ZNF324: variants seen among roughly 807,000 people sequenced by gnomAD.
ZNF324 encodes the protein zinc finger protein 324.
In ZNF324, 3 loss-of-function variants were observed where a neutral mutation model predicts 10.3. That is an observed-to-expected ratio of 0.29 (90% CI 0.13 to 0.75). ZNF324 has a LOEUF of 0.75. Ranked by LOEUF, ZNF324 falls within the 30% of genes least tolerant of loss-of-function variation. ZNF324 has a pLI of 0.69. For synonymous variants in ZNF324, 430 were observed against 339.5 expected (o/e 1.27, Z -2.93); for missense variants, 763 against 784.4 (o/e 0.97, Z 0.33).
chr19:58,470,842 A>G lies in ZNF324; in HGVS notation c.350A>G (p.His117Arg). The G allele has an allele frequency of 6.2e-7, 1 of 1,614,190 alleles. No homozygotes were observed. Among genetic ancestry groups the G allele is most frequent in the Non-Finnish European group, 8.5e-7 (1 of 1,180,032 alleles). Residue 117 changes from histidine (H) to arginine (R), a missense_variant, in exon 4 of 4, where the codon CAC (histidine) becomes CGC (arginine). Transcript: ENST00000196482. ...TSVFPVAGACHSVKSLQRQRG... is the reference protein window; with the variant it reads ...TSVFPVAGACRSVKSLQRQRG... The stretch of plus-strand genomic sequence containing the variant: ...GTCTTCCCTGTTGCCGGTGCCTGCC[A>G]CAGTGTAAAAAGCCTGCAGAGACAA...
intron 2 of ZNF324, 127 bp downstream of exon 2, chr19:58,469,433 G>C (rs971254805): frequency 2.3e-6 from 3 of 1,309,738 alleles, no homozygotes; most frequent in Non-Finnish European, 3.1e-6. Flanking sequence ...TGTGGAATAG[G>C]GGTCTGGTCC....
chr19:58,470,693 C>T (rs1436199016), intron 3 of ZNF324, 38 bp from the exon 4 acceptor site: 2 of 1,612,746 alleles, frequency 1.2e-6, no homozygotes, highest in Non-Finnish European at 8.5e-7. Context: ...CTCTCCTAAC[C>T]AGGATGCCCC....
rs2053043611 is a variant in ZNF324 at position 58,472,256 on chromosome 19, G to T, written c.*102G>T. ...CAGAGAAAAAGTCCCGTGCTTGCTA[G>T]TCAGGGACAAGGGAGGCCCTTTGGC... is the stretch of plus-strand genomic sequence containing the variant. On this transcript the variant is annotated 3_prime_UTR_variant, in exon 4 of 4. Transcript: ENST00000196482. The T allele has an allele frequency of 2.3e-6, 3 of 1,284,432 alleles. No homozygotes were observed. Among genetic ancestry groups the T allele is most frequent in the Non-Finnish European group, 3.1e-6 (3 of 959,624 alleles). The allele number at this position is 1,284,432 out of a possible 1,614,324, so 79.6% of individuals were successfully genotyped here.
intron 3 of ZNF324, among the ~76,000 whole-genome samples, chr19:58,470,094 C>A (rs1026029141): frequency 6.6e-6 from 1 of 152,218 alleles, no homozygotes; most frequent in African/African-American, 2.4e-5. Flanking sequence ...GTCCTGCTAT[C>A]AGCTGGGCTG....
rs765119702 is a variant in ZNF324 at position 58,472,204 on chromosome 19, G to A, written c.*50G>A. The A allele has an allele frequency of 4.0e-6, 6 of 1,501,992 alleles. No individual in the cohort carries two copies. The South Asian group carries it at 6.3e-5, about 16-fold the overall frequency. 93.0% of individuals were successfully genotyped at this position (1,501,992 alleles called of 1,614,324 possible). ...TCTGTGAATCCCTTCCACAGCTAAA[G>A]GGCATATGTCCTCTGCAGATCCACA... On this transcript the variant is annotated 3_prime_UTR_variant, in exon 4 of 4. Transcript: ENST00000196482.
intron 2 of ZNF324, 65 bp from the exon 3 acceptor site, chr19:58,469,663 C>T (rs2053010306): frequency 1.5e-6 from 2 of 1,332,472 alleles, no homozygotes; most frequent in Non-Finnish European, 2.1e-6. Flanking sequence ...TGACTCCTGC[C>T]CTCTGTTTGG....
rs763442788 is a variant in ZNF324 at position 58,472,130 on chromosome 19, C to G, written c.1638C>G (p.Ala546=). 3 of 1,587,144 alleles carry G rather than the reference C, an allele frequency of 1.9e-6. No homozygotes were observed. Among genetic ancestry groups the G allele is most frequent in the Non-Finnish European group, 1.7e-6 (2 of 1,167,970 alleles). Residue 546 remains alanine (A), a synonymous_variant, in exon 4 of 4, where the codon GCC becomes GCG. Coordinates refer to ENST00000196482, the MANE Select transcript of ZNF324 (RefSeq NM_014347.3). The part of the protein sequence containing the change: ...TEPTPASGPA[A]VSQPAEV ...CCACTCCCGCCTCGGGCCCAGCCGC[C>G]GTCTCGCAGCCAGCGGAGGTCTGAG...
rs746171292 is a variant in ZNF324, at chr19:58,469,234, C to A, written c.49C>A (p.Leu17Ile). Residue 17 changes from leucine to isoleucine, a missense_variant, in exon 2 of 4, where the codon CTC (leucine) becomes ATC (isoleucine). Coordinates refer to ENST00000196482, the MANE Select transcript of ZNF324 (RefSeq NM_014347.3). Reference sequence around the variant, plus strand: ...GTACTTCTCCCAGGAGGAGTGGGGGCTCCTGGACACAGCCCAGAGGGCCCT... The same window carrying A: ...GTACTTCTCCCAGGAGGAGTGGGGGATCCTGGACACAGCCCAGAGGGCCCT... Reference protein sequence around the residue: ...AVYFSQEEWGLLDTAQRALYR... With the variant: ...AVYFSQEEWGILDTAQRALYR... The A allele has an allele frequency of 6.2e-7, 1 of 1,614,158 alleles. No homozygotes were observed. Among genetic ancestry groups the A allele is most frequent in the East Asian group, 2.2e-5 (1 of 44,874 alleles).
Position 58,470,774 on chromosome 19 carries a change from G to T in ZNF324, c.282G>T (p.Trp94Cys). 1 of 1,614,186 alleles carries T rather than the reference G, an allele frequency of 6.2e-7. No individual in the cohort carries two copies. The change falls in exon 4 of 4, where the codon TGG (tryptophan) becomes TGT (cysteine). Residue 94 changes from tryptophan (W) to cysteine (C), a missense_variant. Around this residue, in one of 3 missense-constraint regions of ZNF324, gnomAD observed 379 missense variants for 319.4 expected, o/e 1.19. Transcript: ENST00000196482. ...LTEDRDVSGE[W>C]PRAFPDTPPG... Reference sequence around the variant, plus strand: ...AGGATAGAGATGTTTCTGGAGAATGGCCACGAGCTTTCCCAGATACCCCAC... The same window carrying T: ...AGGATAGAGATGTTTCTGGAGAATGTCCACGAGCTTTCCCAGATACCCCAC...
Position 58,470,735 on chromosome 19 carries a change from C to T in ZNF324, c.243C>T (p.Ser81=), listed in dbSNP as rs1246772952. 1.2e-6 allele frequency: 2 copies of T among 1,614,206 alleles called. No individual in the cohort carries two copies. The highest frequency in any genetic ancestry group is 1.7e-5 in the Admixed American group (1 of 60,014). ...CCACTGTTTCTCTGCCTTTAGGTTC[C>T]TGGAGTTTGACAGAGGATAGAGATG... ...RTTYRRRNPG[S]WSLTEDRDVS... is the part of the protein sequence containing the mutation. Residue 81 remains serine (S), a synonymous_variant, in exon 4 of 4, where the codon TCC becomes TCT. Coordinates refer to ENST00000196482, the MANE Select transcript of ZNF324 (RefSeq NM_014347.3).
At position 58,470,794 on chromosome 19, in the gene ZNF324, C is replaced by T. The variant is rs147349292; in HGVS notation, c.302C>T (p.Thr101Ile). 6 of 1,614,108 alleles carry T rather than the reference C, an allele frequency of 3.7e-6. No individual in the cohort carries two copies. In the East Asian group the frequency reaches 8.9e-5, roughly 24 times the overall value. The part of the protein sequence containing the change: ...SGEWPRAFPD[T>I]PPGMTTSVFP... Reference sequence around the variant, plus strand: ...GAATGGCCACGAGCTTTCCCAGATACCCCACCTGGGATGACTACTAGCGTC... The same window carrying T: ...GAATGGCCACGAGCTTTCCCAGATATCCCACCTGGGATGACTACTAGCGTC... The change falls in exon 4 of 4, where the codon ACC becomes ATC. Residue 101 changes from threonine (T) to isoleucine (I), a missense_variant. By Grantham distance (89) the Thr-to-Ile change is moderately conservative (BLOSUM62 -1). Around this residue, in one of 3 missense-constraint regions of ZNF324, gnomAD observed 379 missense variants for 319.4 expected, o/e 1.19. Transcript: ENST00000196482.
Position 58,470,777 on chromosome 19 carries a change from A to G in ZNF324, c.285A>G (p.Pro95=), listed in dbSNP as rs2053022615. The change falls in exon 4 of 4, where the codon CCA becomes CCG. Residue 95 remains proline (P), a synonymous_variant. Transcript: ENST00000196482. ...ATAGAGATGTTTCTGGAGAATGGCC[A>G]CGAGCTTTCCCAGATACCCCACCTG... is the stretch of plus-strand genomic sequence containing the variant. The part of the protein sequence containing the change: ...TEDRDVSGEW[P]RAFPDTPPGM... 1 of 1,614,098 alleles carries G rather than the reference A, an allele frequency of 6.2e-7. No individual in the cohort carries two copies. Among genetic ancestry groups the G allele is most frequent in the Non-Finnish European group, 8.5e-7 (1 of 1,180,062 alleles).
At chr19:58,470,438 C>T (rs1430929572) in intron 3 of ZNF324, 2 of 526,986 alleles carry the variant, frequency 3.8e-6, no homozygotes, top group Non-Finnish European at 6.9e-6. Context: ...GTGGAATAGC[C>T]AGTGTGGAGA....
rs931736125 is a variant in ZNF324 at position 58,472,401 on chromosome 19, T to C, written c.*247T>C. 1.1e-4 allele frequency: 58 copies of C among 541,424 alleles called. No individual in the cohort carries two copies. Among genetic ancestry groups the C allele is most frequent in the African/African-American group, 1.0e-3 (54 of 53,142 alleles). The allele number at this position is 541,424 out of a possible 1,614,324, so 33.5% of individuals were successfully genotyped here. A position where few individuals can be genotyped will look rare whatever the true frequency, so the allele number is the denominator to read the frequency against. ...GGAGGACGTGGTGGCTGAACTCTAG[T>C]GGGGCCGAGACTATTCAGAGCCAGT... On this transcript the variant is annotated 3_prime_UTR_variant, in exon 4 of 4. Transcript: ENST00000196482.
In ZNF324 at chr19:58,472,087, C is replaced by T. The variant is rs1279622121; in HGVS notation, c.1595C>T (p.Pro532Leu). Reference sequence around the variant, plus strand: ...GCCGGGGCATCATCAGAAGGTGCGCCAGCGAAGGAAACCGAGCCCACTCCC... The same window carrying T: ...GCCGGGGCATCATCAGAAGGTGCGCTAGCGAAGGAAACCGAGCCCACTCCC... ...SVAGASSEGAPAKETEPTPAS... is the reference protein window; with the variant it reads ...SVAGASSEGALAKETEPTPAS... The change falls in exon 4 of 4, where the codon CCA becomes CTA. Residue 532 changes from proline (P) to leucine (L), a missense_variant. Coordinates refer to ENST00000196482, the MANE Select transcript of ZNF324 (RefSeq NM_014347.3). The T allele has an allele frequency of 1.2e-6, 2 of 1,600,196 alleles. No individual in the cohort carries two copies. Among genetic ancestry groups the T allele is most frequent in the African/African-American group, 1.3e-5 (1 of 74,842 alleles).
At chr19:58,468,239 G>C in intron 1 of ZNF324, 4 of 985,388 alleles carry the variant, frequency 4.1e-6, no homozygotes, top group Non-Finnish European at 3.6e-6. Context: ...CTGTGGACAG[G>C]GCCTATGAAT....
chr19:58,470,855 C>G lies in ZNF324; in HGVS notation c.363C>G (p.Ser121Arg). Reference sequence around the variant, plus strand: ...CCGGTGCCTGCCACAGTGTAAAAAGCCTGCAGAGACAACGGGGTGCCTCCC... The same window carrying G: ...CCGGTGCCTGCCACAGTGTAAAAAGGCTGCAGAGACAACGGGGTGCCTCCC... ...PVAGACHSVK[S>R]LQRQRGASPS... is the part of the protein sequence containing the mutation. Residue 121 changes from serine to arginine, a missense_variant, in exon 4 of 4, where the codon AGC becomes AGG. Ser to Arg is a moderately radical substitution (Grantham distance 110). Coordinates refer to ENST00000196482, the MANE Select transcript of ZNF324 (RefSeq NM_014347.3). 1.2e-6 allele frequency: 2 copies of G among 1,614,242 alleles called. No homozygotes were observed. The highest frequency in any genetic ancestry group is 1.7e-6 in the Non-Finnish European group (2 of 1,180,046).
chr19:58,469,644 G>A (rs1198991240), intron 2 of ZNF324, 84 bp from the exon 3 acceptor site: 32 of 1,153,842 alleles, frequency 2.8e-5, no homozygotes, highest in Admixed American at 4.1e-5. Context: ...TTCTGTTTCC[G>A]TGAAGCCCTG....
Position 58,471,334 on chromosome 19 carries a change from G to A in ZNF324, c.842G>A (p.Gly281Glu). 1 of 1,614,044 alleles carries A rather than the reference G, an allele frequency of 6.2e-7. No homozygotes were observed. Among genetic ancestry groups the A allele is most frequent in the Non-Finnish European group, 8.5e-7 (1 of 1,180,006 alleles). The change falls in exon 4 of 4, where the codon GGG becomes GAG. Residue 281 changes from glycine (G) to glutamate (E), a missense_variant. Coordinates refer to ENST00000196482, the MANE Select transcript of ZNF324 (RefSeq NM_014347.3). ...DLLKHLRTHT[G>E]ERPYECAQCG... Reference sequence around the variant, plus strand: ...CTCAAGCACCTACGCACCCACACCGGGGAGCGGCCCTACGAGTGCGCCCAG... The same window carrying A: ...CTCAAGCACCTACGCACCCACACCGAGGAGCGGCCCTACGAGTGCGCCCAG...
Sources: allele counts gnomAD v4.1 joint callset (sites outside exome capture counted in the v4.1 genomes callset), GRCh38; gene constraint gnomAD v4.1.1; regional missense constraint gnomAD v4.1.1; transcripts MANE v1.5; gene names NCBI Gene and HGNC (gene_info 2026-07-23, HGNC 2026-07-21).